OR1S1: variants seen among roughly 807,000 people sequenced by gnomAD.
OR1S1 encodes olfactory receptor 1S1.
For synonymous variants in OR1S1, 156 were observed against 143.9 expected (o/e 1.08, Z -0.60); for missense variants, 411 against 367.5 (o/e 1.12, Z -0.97).
At chr11:58,215,754 A>C in exon 2 of OR1S1, 2 of 1,587,060 alleles carry the variant, frequency 1.3e-6, no homozygotes, top group Non-Finnish European at 1.7e-6. Flanking sequence ...TTTAGTCCAC[A>C]TAATCAGATA....
At chr11:58,213,295 T>A (rs1403722609) in intron 1 of OR1S1, among the ~76,000 whole-genome samples, 3 of 152,210 alleles carry the variant, frequency 2.0e-5, no homozygotes, top group African/African-American at 7.2e-5. Flanking sequence ...TCATACTAGG[T>A]CCAGTCTCTC....
chr11:58,214,075 C>T (rs1852876982), intron 1 of OR1S1, among the ~76,000 whole-genome samples: 1 of 152,164 alleles, frequency 6.6e-6, no homozygotes, highest in Non-Finnish European at 1.5e-5. Context: ...TTCTCTTTAC[C>T]CCTGCCATCG....
At chr11:58,215,799 A>G in exon 2 of OR1S1, 1 of 1,510,480 alleles carries the variant, frequency 6.6e-7, no homozygotes, top group Non-Finnish European at 8.9e-7. Flanking sequence ...CACAGTTGTG[A>G]TGGTTCAACT....
chr11:58,215,561 T>A, exon 2 of OR1S1: 1 of 1,614,016 alleles, frequency 6.2e-7, no homozygotes, highest in African/African-American at 1.3e-5. Context: ...AGGCGTGTAC[T>A]TTTTCCCCTC....
chr11:58,214,975 C>T (rs777186515), exon 2 of OR1S1: 1 of 1,614,140 alleles, frequency 6.2e-7, no homozygotes, highest in Non-Finnish European at 8.5e-7. Context: ...TCTTCCTTGC[C>T]AATCTATCCT....
At position 58,215,013 on chromosome 11, in the gene OR1S1, C is replaced by T. The variant is rs745375381; in HGVS notation, c.230C>T (p.Ser77Leu). 2.0e-5 allele frequency: 33 copies of T among 1,614,176 alleles called. No individual in the cohort carries two copies. The South Asian group carries it at 3.6e-4, about 18-fold the overall frequency. The change falls in exon 2 of 2, where the codon TCA becomes TTA. Residue 77 changes from serine (S) to leucine (L), a missense_variant. Transcript: ENST00000641544. Reference sequence around the variant, plus strand: ...GCTGATATTTCCTCCATTTCCAACTCAGTCCCCAAAATGCTGGTGAATATT... The same window carrying T: ...GCTGATATTTCCTCCATTTCCAACTTAGTCCCCAAAATGCTGGTGAATATT...
intron 1 of OR1S1, among the ~76,000 whole-genome samples, chr11:58,214,203 G>T (rs779932863): frequency 4.6e-5 from 7 of 152,208 alleles, no homozygotes; most frequent in Middle Eastern, 3.4e-3. Context: ...TAAAACCCTG[G>T]TTGCTCCTTC....
exon 2 of OR1S1, chr11:58,215,395 A>G: frequency 1.2e-6 from 2 of 1,614,028 alleles, no homozygotes; most frequent in South Asian, 1.1e-5. Flanking sequence ...TTGTGGGTTT[A>G]TCAGTTATCA....
intron 1 of OR1S1, among the ~76,000 whole-genome samples, chr11:58,213,084 C>T (rs564612232): frequency 2.6e-5 from 4 of 152,224 alleles, no homozygotes; most frequent in East Asian, 1.9e-4. Context: ...GACTTCAGAT[C>T]TCTGCTTCAA....
chr11:58,215,637 T>G, exon 2 of OR1S1: 1 of 1,614,080 alleles, frequency 6.2e-7, no homozygotes, highest in Non-Finnish European at 8.5e-7. Context: ...ACACCCATGA[T>G]AAACCCCTTC....
exon 2 of OR1S1, chr11:58,214,757 A>G (rs1966836): frequency 0.7 from 1,126,802 of 1,612,352 alleles, 399,430 homozygotes; most frequent in East Asian, 0.86. Flanking sequence ...GAAGACTTTT[A>G]GTTCCTTTCT....
At position 58,215,260 on chromosome 11, in the gene OR1S1, C is replaced by T. The variant is rs1413378458; in HGVS notation, c.477C>T (p.His159=). Residue 159 remains histidine, a synonymous_variant, in exon 2 of 2, where the codon CAC becomes CAT. Transcript: ENST00000641544. ...TCAGTAATATTATTGCTCTGACACACACCCTTCTGCTCATTCAATTGCTCT... is the reference window on the plus strand; with the variant it reads ...TCAGTAATATTATTGCTCTGACACATACCCTTCTGCTCATTCAATTGCTCT... The T allele has an allele frequency of 2.5e-6, 4 of 1,613,672 alleles. No individual in the cohort carries two copies. In the South Asian group the frequency reaches 3.3e-5, roughly 13 times the overall value.
exon 2 of OR1S1, chr11:58,215,125 C>G (rs765053703): frequency 1.2e-6 from 2 of 1,614,108 alleles, no homozygotes; most frequent in Non-Finnish European, 1.7e-6. Flanking sequence ...ACAATTTGCT[C>G]TTGGGGACCA....
chr11:58,215,133 C>T (rs779561462), exon 2 of OR1S1: 2 of 1,614,118 alleles, frequency 1.2e-6, no homozygotes, highest in Middle Eastern at 1.6e-4. Context: ...CTCTTGGGGA[C>T]CATGGCCTAT....
In OR1S1 at chr11:58,214,602, A is replaced by T. The variant is rs150689898; in HGVS notation, c.-55-127A>T. 276 of 687,510 alleles carry T rather than the reference A, an allele frequency of 4.0e-4. No homozygotes were observed. The African/African-American group carries it at 4.4e-3, about 11-fold the overall frequency. 42.6% of individuals were successfully genotyped at this position (687,510 alleles called of 1,614,324 possible). A position where few individuals can be genotyped will look rare whatever the true frequency, so the allele number is the denominator to read the frequency against. ...TTCGGCCATGTCCTGTCTTTTTCTA[A>T]GGCATTTTCCAAATCTCTGCACTGC... is the stretch of plus-strand genomic sequence containing the variant. On this transcript the variant is annotated intron_variant, in intron 1 of 1. Transcript: ENST00000641544.
At chr11:58,215,716 C>T (rs751505930) in exon 2 of OR1S1, 5 of 1,610,712 alleles carry the variant, frequency 3.1e-6, no homozygotes, top group Non-Finnish European at 4.2e-6. Flanking sequence ...AAATTTCTTC[C>T]CTTTGATGCC....
exon 2 of OR1S1, chr11:58,215,006 T>A (rs374031243): frequency 5.6e-6 from 9 of 1,614,072 alleles, no homozygotes; most frequent in Non-Finnish European, 7.6e-6. Flanking sequence ...TTCCTCCATT[T>A]CCAACTCAGT....
exon 2 of OR1S1, chr11:58,214,980 T>C: frequency 6.2e-7 from 1 of 1,614,182 alleles, no homozygotes; most frequent in Non-Finnish European, 8.5e-7. Context: ...CTTGCCAATC[T>C]ATCCTTTGCT....
At chr11:58,214,956 C>A (rs770434407) in exon 2 of OR1S1, 2 of 1,614,006 alleles carry the variant, frequency 1.2e-6, no homozygotes, top group African/African-American at 2.7e-5. Context: ...CTTCATACCC[C>A]CATGTATCTC....
Sources: gnomAD v4.1 joint callset for allele counts (sites outside exome capture counted in the v4.1 genomes callset) on GRCh38, gnomAD v4.1.1 for gene constraint, MANE v1.5 for transcripts, NCBI Gene and HGNC (gene_info 2026-07-23, HGNC 2026-07-21) for gene names.